ITGA9: variants seen among roughly 807,000 people sequenced by gnomAD.
ITGA9 encodes the protein integrin alpha-9.
A neutral mutation model predicts 127.8 loss-of-function variants in ITGA9; 56 were observed. The observed-to-expected ratio is 0.44, with a 90% CI of 0.35 to 0.55. The LOEUF (loss-of-function observed/expected upper bound fraction) is 0.55. Among genes scored for constraint, ITGA9 ranks in the 20% least tolerant of loss-of-function variants. ITGA9 has a pLI of 0.00. For missense variants in ITGA9, 1,196 were observed against 1,347.1 expected (o/e 0.89, Z 1.76); for synonymous variants, 508 against 514.5 (o/e 0.99, Z 0.17).
intron 15 of ITGA9, among the ~76,000 whole-genome samples, chr3:37,580,946 A>G (rs1699703611): frequency 6.6e-6 from 1 of 152,178 alleles, no homozygotes; most frequent in Non-Finnish European, 1.5e-5. Flanking sequence ...CTAGAATCTC[A>G]CCTGGAACTT....
chr3:37,635,110 G>A (rs776949565), intron 16 of ITGA9, among the ~76,000 whole-genome samples: 12 of 152,170 alleles, frequency 7.9e-5, no homozygotes, highest in Non-Finnish European at 1.5e-4. Flanking sequence ...AAGTAGAAGA[G>A]TATAAAGAAG....
At chr3:37,818,642 CTA>C in intron 27 of ITGA9, 2 of 540,420 alleles carry the variant, frequency 3.7e-6, no homozygotes, top group South Asian at 4.1e-5. Context: ...CTGGAAAACA[CTA>C]CACCAGATGC....
chr3:37,501,192 A>G (rs1698783745), intron 5 of ITGA9, among the ~76,000 whole-genome samples: 1 of 152,204 alleles, frequency 6.6e-6, no homozygotes, highest in Admixed American at 6.5e-5. Flanking sequence ...ACTTTAGAAA[A>G]TAAAGGTAAT....
chr3:37,468,799 C>T (rs1698398248), intron 1 of ITGA9, among the ~76,000 whole-genome samples: 1 of 152,214 alleles, frequency 6.6e-6, no homozygotes. Context: ...TGATCTATTT[C>T]ATGATACAGA....
intron 18 of ITGA9, 44 bp downstream of exon 18, chr3:37,684,059 T>C (rs199781683): frequency 1.9e-6 from 3 of 1,547,032 alleles, no homozygotes; most frequent in Non-Finnish European, 2.7e-6. Context: ...TTCCATCTGG[T>C]GCGCTTGCTG....
intron 27 of ITGA9, among the ~76,000 whole-genome samples, chr3:37,818,101 A>C (rs1697458674): frequency 6.6e-6 from 1 of 151,024 alleles, no homozygotes; most frequent in South Asian, 2.1e-4. Context: ...AAAGCCAAAT[A>C]AGCTTGGGGA....
chr3:37,517,492 C>T lies in ITGA9; in HGVS notation c.1036-12C>T, dbSNP rs1698995302. The T allele has an allele frequency of 1.3e-6, 2 of 1,559,304 alleles. No individual in the cohort carries two copies. Among genetic ancestry groups the T allele is most frequent in the African/African-American group, 1.4e-5 (1 of 73,866 alleles). On this transcript the variant is annotated splice_polypyrimidine_tract_variant and intron_variant, in intron 9 of 27. Transcript: ENST00000264741. ...TTTTGTTTTCCATTTTCTCCTCCAT[C>T]CTGTTTCCCAGGGAGCCCTCGAGGA...
intron 5 of ITGA9, among the ~76,000 whole-genome samples, chr3:37,501,202 T>G (rs962139085): frequency 1.3e-5 from 2 of 152,094 alleles, no homozygotes; most frequent in Non-Finnish European, 2.9e-5. Flanking sequence ...ATAAAGGTAA[T>G]CCAAAAGTAG....
intron 17 of ITGA9, among the ~76,000 whole-genome samples, chr3:37,660,004 G>T (rs199605529): frequency 2.0e-5 from 2 of 98,558 alleles, no homozygotes; most frequent in African/African-American, 8.1e-5. Context: ...ACACACACAC[G>T]CACACACACA....
chr3:37,705,616 G>A (rs1356419611), intron 18 of ITGA9, among the ~76,000 whole-genome samples: 5 of 152,208 alleles, frequency 3.3e-5, no homozygotes, highest in Admixed American at 6.5e-5. Context: ...GGGTTACCAC[G>A]TGTATTCCGT....
At chr3:37,693,783 G>A (rs1039109861) in intron 18 of ITGA9, among the ~76,000 whole-genome samples, 1 of 152,206 alleles carries the variant, frequency 6.6e-6, no homozygotes, top group Admixed American at 6.5e-5. Context: ...GCAGAAGTGA[G>A]CCTCATCCCT....
intron 23 of ITGA9, among the ~76,000 whole-genome samples, chr3:37,773,172 T>G (rs904963643): frequency 6.6e-6 from 1 of 152,218 alleles, no homozygotes; most frequent in Non-Finnish European, 1.5e-5. Context: ...CCTAGAAACC[T>G]GAAGCACCGA....
intron 3 of ITGA9, 110 bp from the exon 4 acceptor site, chr3:37,481,374 C>T: frequency 6.9e-7 from 1 of 1,438,944 alleles, no homozygotes; most frequent in East Asian, 2.3e-5. Context: ...TTTCTGGTCC[C>T]TCTGCTCCTC....
chr3:37,797,436 C>A (rs1213838700), intron 26 of ITGA9, among the ~76,000 whole-genome samples: 1 of 152,076 alleles, frequency 6.6e-6, no homozygotes, highest in Non-Finnish European at 1.5e-5. Flanking sequence ...CACTGGGATG[C>A]TATAGGAGGT....
rs1259868071 is a variant in ITGA9 at position 37,473,381 on chromosome 3, A to G, written c.341A>G (p.Lys114Arg). The G allele has an allele frequency of 6.2e-7, 1 of 1,614,106 alleles. No individual in the cohort carries two copies. Among genetic ancestry groups the G allele is most frequent in the South Asian group, 1.1e-5 (1 of 91,078 alleles). Residue 114 changes from lysine (K) to arginine (R), a missense_variant, in exon 3 of 28, where the codon AAG becomes AGG. By Grantham distance (26) the Lys-to-Arg change is conservative. Transcript: ENST00000264741. ...RGKNRGTSCG[K>R]TCREDRDDEW... The stretch of plus-strand genomic sequence containing the variant: ...AAGAATCGGGGCACGTCCTGCGGAA[A>G]GACCTGCCGGGAAGACCGCGATGAT...
intron 16 of ITGA9, among the ~76,000 whole-genome samples, chr3:37,648,718 A>G (rs1218573849): frequency 1.3e-5 from 2 of 152,204 alleles, no homozygotes; most frequent in Non-Finnish European, 2.9e-5. Context: ...ATGAAAGGAC[A>G]CTAAATAGCA....
In ITGA9 at chr3:37,597,422, G is replaced by A. The variant is rs1699879656; in HGVS notation, c.1690-31765G>A. 6.6e-6 allele frequency among the ~76,000 whole-genome samples: 1 copy of A among 152,152 alleles called. No individual in the cohort carries two copies. The highest frequency in any genetic ancestry group is 2.4e-5 in the African/African-American group (1 of 41,436). On this transcript the variant is annotated intron_variant, in intron 15 of 27. Transcript: ENST00000264741. This position sits in a 1 kb window ranked among gnomAD's most constrained non-coding sequence, Gnocchi z 4.6. ...ATAAATGTGGAGGCAGGGAGACCAG[G>A]TAAGAAGTCTGCGGTGGTCTAATGG...
chr3:37,797,097 G>A (rs1487705223), intron 26 of ITGA9, among the ~76,000 whole-genome samples: 2 of 152,098 alleles, frequency 1.3e-5, no homozygotes, highest in Non-Finnish European at 2.9e-5. Context: ...GGAGGCTGAG[G>A]CATGCAGATA....
chr3:37,734,551 G>A (rs1357981031), intron 19 of ITGA9, among the ~76,000 whole-genome samples: 2 of 152,082 alleles, frequency 1.3e-5, no homozygotes, highest in African/African-American at 2.4e-5. Flanking sequence ...GTGCAGTGGC[G>A]CAATCTTGGC....
Sources: gnomAD v4.1 joint callset for allele counts (sites outside exome capture counted in the v4.1 genomes callset) on GRCh38, gnomAD v4.1.1 for gene constraint, Gnocchi (gnomAD v3.1) non-coding constraint, MANE v1.5 for transcripts, NCBI Gene and HGNC (gene_info 2026-07-23, HGNC 2026-07-21) for gene names.